Variants in PSMD12 observed in about 807,000 individuals in gnomAD.
PSMD12 encodes proteasome 26S subunit, non-ATPase 12.
In PSMD12, 8 loss-of-function variants were observed where a neutral mutation model predicts 62.9. The observed-to-expected ratio is 0.13, with a 90% CI of 0.07 to 0.23. The LOEUF (loss-of-function observed/expected upper bound fraction) is 0.23. Ranked by LOEUF, PSMD12 falls within the 10% of genes least tolerant of loss-of-function variation. The probability of loss-of-function intolerance (pLI) is 1.00; values close to 1 mark genes in which losing one functional copy is unlikely to be tolerated. For synonymous variants in PSMD12, 173 were observed against 187.4 expected (o/e 0.92, Z 0.63); for missense variants, 424 against 550.2 (o/e 0.77, Z 2.29).
At chr17:67,364,535 T>G (rs2042162254) in intron 1 of PSMD12, among the ~76,000 whole-genome samples, 1 of 152,210 alleles carries the variant, frequency 6.6e-6, no homozygotes, top group African/African-American at 2.4e-5. Flanking sequence ...TTGCAAACAG[T>G]AGACTGGTAT....
intron 3 of PSMD12, among the ~76,000 whole-genome samples, chr17:67,351,293 G>A (rs1200750983): frequency 6.6e-6 from 1 of 151,950 alleles, no homozygotes; most frequent in Non-Finnish European, 1.5e-5. Flanking sequence ...TTGGAAGGCT[G>A]AGGCAGGAGA....
intron 1 of PSMD12, among the ~76,000 whole-genome samples, chr17:67,358,937 T>C (rs577714528): frequency 1.2e-4 from 18 of 152,302 alleles, no homozygotes; most frequent in African/African-American, 4.3e-4. Context: ...GCTATATATT[T>C]AGAGATTGGA....
At chr17:67,363,336 TA>T (rs1177883261) in intron 1 of PSMD12, among the ~76,000 whole-genome samples, 2 of 152,156 alleles carry the variant, frequency 1.3e-5, no homozygotes, top group Non-Finnish European at 2.9e-5. Context: ...AATTTTTTTG[TA>T]GAGACAGCAT....
intron 8 of PSMD12, 119 bp from the exon 9 acceptor site, chr17:67,344,899 T>C (rs1339411824): frequency 2.5e-6 from 2 of 801,060 alleles, no homozygotes; most frequent in East Asian, 5.4e-5. Context: ...TTTAGTAGAA[T>C]GAGACACCAT....
At chr17:67,345,215 C>A (rs1207964208) in intron 8 of PSMD12, among the ~76,000 whole-genome samples, 1 of 152,158 alleles carries the variant, frequency 6.6e-6, no homozygotes, top group East Asian at 1.9e-4. Flanking sequence ...TATGAAACTT[C>A]CACTTGATAA....
chr17:67,366,436 T>A lies in PSMD12; in HGVS notation c.84A>T (p.Leu28=), dbSNP rs11079691. 374,438 of 1,611,396 alleles carry A rather than the reference T, an allele frequency of 0.23. 44,616 individuals are homozygous for A. The highest frequency in any genetic ancestry group is 0.29 in the Middle Eastern group (1,738 of 6,052). The change falls in exon 1 of 11, where the codon CTA becomes CTT. Residue 28 remains leucine, a synonymous_variant. Coordinates refer to ENST00000356126, the MANE Select transcript of PSMD12 (RefSeq NM_002816.5). ...VDYSATVDQR[L]PECAKLAKEG... ...CCTTGGCTAGCTTCGCACACTCGGG[T>A]AGGCGCTGATCCACCGTGGCGCTGT...
chr17:67,355,865 TG>T (rs1246245905), intron 3 of PSMD12, among the ~76,000 whole-genome samples: 7 of 152,014 alleles, frequency 4.6e-5, no homozygotes, highest in Admixed American at 1.3e-4. Flanking sequence ...CAGTGGCTCA[TG>T]CCTGTAATCC....
chr17:67,346,449 C>T (rs2041967931), intron 7 of PSMD12, among the ~76,000 whole-genome samples: 2 of 151,834 alleles, frequency 1.3e-5, no homozygotes, highest in African/African-American at 4.8e-5. Flanking sequence ...CCTGTAGTCC[C>T]GGCTACTCAG....
At chr17:67,357,734 G>C (rs904807441) in intron 1 of PSMD12, among the ~76,000 whole-genome samples, 156 bp from the exon 2 acceptor site, 3 of 152,210 alleles carry the variant, frequency 2.0e-5, no homozygotes, top group Non-Finnish European at 2.9e-5. Flanking sequence ...TCCTTTTCAT[G>C]ATAGTGCTTC....
chr17:67,348,410 C>T, intron 5 of PSMD12, 140 bp downstream of exon 5: 3 of 694,402 alleles, frequency 4.3e-6, no homozygotes, highest in South Asian at 3.5e-5. Context: ...AAAAAAGATG[C>T]CATTCACAGG....
intron 1 of PSMD12, among the ~76,000 whole-genome samples, chr17:67,360,103 A>G (rs1344162975): frequency 1.4e-5 from 2 of 143,412 alleles, no homozygotes; most frequent in African/African-American, 5.2e-5. Context: ...ACTAGTTTAA[A>G]TCTCACCTTT....
chr17:67,353,728 A>G (rs1341577531), intron 3 of PSMD12, among the ~76,000 whole-genome samples: 2 of 152,206 alleles, frequency 1.3e-5, no homozygotes, highest in Non-Finnish European at 2.9e-5. Flanking sequence ...TATGTTTCCT[A>G]AGAACTTTCC....
Position 67,350,264 on chromosome 17 carries a change from A to G in PSMD12, c.370T>C (p.Leu124=). Reference sequence around the variant, plus strand: ...GTAACCATTCGTAGAGTATCAATTAATCGAAGTTTGATAGGAAGGTCTGTG... The same window carrying G: ...GTAACCATTCGTAGAGTATCAATTAGTCGAAGTTTGATAGGAAGGTCTGTG... ...EITDLPIKLR[L]IDTLRMVTEG... is the part of the protein sequence containing the mutation. Residue 124 remains leucine, a synonymous_variant, in exon 4 of 11, where the codon TTA becomes CTA. Transcript: ENST00000356126. The G allele has an allele frequency of 1.2e-6, 2 of 1,613,230 alleles. No individual in the cohort carries two copies. The highest frequency in any genetic ancestry group is 1.7e-6 in the Non-Finnish European group (2 of 1,179,628).
intron 9 of PSMD12, among the ~76,000 whole-genome samples, chr17:67,344,332 A>AG (rs2041943230): frequency 6.6e-6 from 1 of 152,226 alleles, no homozygotes; most frequent in South Asian, 2.1e-4. Flanking sequence ...AGCCAAAAAT[A>AG]GGGAAAAAAC....
At chr17:67,342,075 C>T in intron 10 of PSMD12, 111 bp downstream of exon 10, 1 of 829,304 alleles carries the variant, frequency 1.2e-6, no homozygotes, top group Admixed American at 2.3e-5. Context: ...AACTATTACT[C>T]TATTACCTAA....
intron 3 of PSMD12, among the ~76,000 whole-genome samples, chr17:67,354,513 C>G (rs1469230692): frequency 6.6e-6 from 1 of 152,046 alleles, no homozygotes; most frequent in Non-Finnish European, 1.5e-5. Flanking sequence ...TTGAATTGTC[C>G]TAATACTACA....
At chr17:67,346,769 T>C (rs1267082831) in intron 7 of PSMD12, among the ~76,000 whole-genome samples, 2 of 152,184 alleles carry the variant, frequency 1.3e-5, no homozygotes, top group East Asian at 1.9e-4. Context: ...AAAGTTCTTA[T>C]AACAAGTTAG....
At chr17:67,341,526 T>C (rs569559036) in intron 10 of PSMD12, among the ~76,000 whole-genome samples, 15 of 133,792 alleles carry the variant, frequency 1.1e-4, no homozygotes, top group Admixed American at 1.1e-3. Context: ...CTATAATAAG[T>C]ACTTATTTTA....
rs2041946111 is a variant in PSMD12, at chr17:67,344,590, T to C, written c.1083+16A>G. On this transcript the variant is annotated intron_variant, in intron 9 of 10. Transcript: ENST00000356126. ...AGGTTAAAATAAAAATTGTCATCTC[T>C]ATGACAGATTCTTACATGTTCAACA... 1 of 1,578,274 alleles carries C rather than the reference T, an allele frequency of 6.3e-7. No homozygotes were observed. The highest frequency in any genetic ancestry group is 1.4e-5 in the African/African-American group (1 of 73,640).
Sources: allele counts gnomAD v4.1 joint callset (sites outside exome capture counted in the v4.1 genomes callset), GRCh38; gene constraint gnomAD v4.1.1; transcripts MANE v1.5; gene names NCBI Gene and HGNC (gene_info 2026-07-23, HGNC 2026-07-21).